The following ATG7 variants were observed in gnomAD, a reference collection of about 807,000 sequenced individuals.
ATG7 encodes the protein ubiquitin-like modifier-activating enzyme ATG7.
In ATG7, 70 loss-of-function variants were observed where a neutral mutation model predicts 82.4. The observed-to-expected ratio is 0.85, with a 90% CI of 0.70 to 1.04. The LOEUF (loss-of-function observed/expected upper bound fraction) is 1.04, where lower values mean the gene tolerates loss of function less well. Among genes scored for constraint, ATG7 ranks in the 50% least tolerant of loss-of-function variants. ATG7 has a pLI of 0.00. For synonymous variants in ATG7, 287 were observed against 313.0 expected, an observed-to-expected ratio of 0.92 and a Z score of 0.88; for missense variants, 792 against 864.3, an observed-to-expected ratio of 0.92 and a Z score of 1.05.
the ATG7 span, chr3:11,564,824 G>T: frequency 6.3e-7 from 1 of 1,585,602 alleles, no homozygotes; most frequent in East Asian, 2.3e-5. Flanking sequence ...GGGTCAGTGT[G>T]GGCGAGAGGC....
chr3:11,489,050 G>C (rs958861426), intron 20 of ATG7, among the ~76,000 whole-genome samples: 2 of 148,658 alleles, frequency 1.3e-5, no homozygotes, highest in African/African-American at 5.2e-5. Flanking sequence ...TTTTTGGTTG[G>C]TAAGCTATTG....
intron 9 of ATG7, among the ~76,000 whole-genome samples, chr3:11,324,375 A>AT (rs1279602034): frequency 6.6e-6 from 1 of 152,218 alleles, no homozygotes; most frequent in Non-Finnish European, 1.5e-5. Flanking sequence ...GCACTTAAAG[A>AT]TTTTGGGGTC....
intron 14 of ATG7, among the ~76,000 whole-genome samples, chr3:11,356,126 A>T (rs958556918): frequency 9.9e-5 from 15 of 152,214 alleles, no homozygotes; most frequent in African/African-American, 3.6e-4. Flanking sequence ...TTATGAAGTC[A>T]GATCAGTTGT....
At chr3:11,509,608 C>CA (rs1438540836) in intron 20 of ATG7, among the ~76,000 whole-genome samples, 2 of 152,144 alleles carry the variant, frequency 1.3e-5, no homozygotes, top group Non-Finnish European at 2.9e-5. Flanking sequence ...TATTTAGTCT[C>CA]AGAGGCACAG....
rs1278972266 is a variant in ATG7, at chr3:11,460,678, G to C, written c.2079+33752G>C. Among the ~76,000 whole-genome samples, 4 of 152,186 alleles carry C rather than the reference G, an allele frequency of 2.6e-5. No homozygotes were observed. In the East Asian group the frequency reaches 7.7e-4, roughly 29 times the overall value. On this transcript the variant is annotated intron_variant, in intron 20 of 20. Transcript: ENST00000693202. ...AGACACACAATAGGAAGATTAATAA[G>C]TCAAAATCCCTGCCCCCTCCCAAAT...
chr3:11,527,067 G>GTATATATATATATATA (rs1157835767), intron 20 of ATG7, among the ~76,000 whole-genome samples: 1 of 95,292 alleles, frequency 1.0e-5, no homozygotes, highest in African/African-American at 4.1e-5. Context: ...GTGTGTGTGT[G>GTATATATATATATATA]TGTGTATATA....
At chr3:11,493,948 A>G (rs1321587563) in intron 20 of ATG7, among the ~76,000 whole-genome samples, 2 of 152,218 alleles carry the variant, frequency 1.3e-5, no homozygotes, top group Non-Finnish European at 2.9e-5. Context: ...AAACTGTGTT[A>G]TAAGAAGCAT....
chr3:11,555,020 T>A lies in ATG7; in HGVS notation c.*177T>A. 1 of 720,268 alleles carries A rather than the reference T, an allele frequency of 1.4e-6. No homozygotes were observed. Among genetic ancestry groups the A allele is most frequent in the Non-Finnish European group, 2.2e-6 (1 of 456,376 alleles). The allele number at this position is 720,268 out of a possible 1,614,324, so 44.6% of individuals were successfully genotyped here. On this transcript the variant is annotated 3_prime_UTR_variant, in exon 21 of 21. Transcript: ENST00000693202. ...GCCAGTGTTCGGCGTTGCTCGGGAT[T>A]CAAGATACCACCAGTTCAGAGCTAA...
rs200360656 is a variant in ATG7 at position 11,439,072 on chromosome 3, T to TC, written c.2079+12146_2079+12147insC. Among the ~76,000 whole-genome samples, 247 of 144,744 alleles carry TC rather than the reference T, an allele frequency of 1.7e-3. 1 individual carries two copies. In the East Asian group the frequency reaches 0.019, roughly 11 times the overall value. The allele number at this position is 144,744 out of a possible 152,430, so 95.0% of individuals were successfully genotyped here. On this transcript the variant is annotated intron_variant, in intron 20 of 20. Coordinates refer to ENST00000693202, the MANE Select transcript of ATG7 (RefSeq NM_001349232.2). The stretch of plus-strand genomic sequence containing the variant: ...TTTCTTTTTCTTTTCTTTCTTTCTT[T>TC]TTTTTTTTTTTTTTGAGACAGAGTC...
chr3:11,387,320 C>T (rs1177929467), intron 19 of ATG7, among the ~76,000 whole-genome samples: 1 of 152,220 alleles, frequency 6.6e-6, no homozygotes, highest in Non-Finnish European at 1.5e-5. Flanking sequence ...CACGGCCTTG[C>T]TTGTTACTTT....
At chr3:11,475,885 ACACACACACACACACACACACACC>A (rs2088123930) in intron 20 of ATG7, among the ~76,000 whole-genome samples, 1 of 149,942 alleles carries the variant, frequency 6.7e-6, no homozygotes, top group South Asian at 2.2e-4. Flanking sequence ...ACACACACAC[ACACACACACACACACACACACACC>A]CCCTCCCAGA....
intron 20 of ATG7, among the ~76,000 whole-genome samples, chr3:11,520,981 A>G (rs1316118707): frequency 6.6e-6 from 1 of 152,144 alleles, no homozygotes. Flanking sequence ...GGGGAGTAGT[A>G]GTTGCTCCAG....
the ATG7 span, among the ~76,000 whole-genome samples, chr3:11,567,097 C>T: frequency 3.7e-4 from 56 of 152,222 alleles, 2 homozygotes; most frequent in Middle Eastern, 0.02. Context: ...AGTGCAGCCT[C>T]GGCTGTGATG....
chr3:11,547,673 T>C (rs753252703), intron 20 of ATG7, among the ~76,000 whole-genome samples: 4 of 152,222 alleles, frequency 2.6e-5, no homozygotes, highest in Admixed American at 6.5e-5. Context: ...CACATCCTTG[T>C]CAACACTTAC....
intron 19 of ATG7, among the ~76,000 whole-genome samples, chr3:11,423,125 C>T (rs2082077415): frequency 6.6e-6 from 1 of 152,018 alleles, no homozygotes; most frequent in Non-Finnish European, 1.5e-5. Context: ...ACTTTGAGGC[C>T]GTTGTAATTG....
At chr3:11,381,088 G>A (rs914514322) in intron 19 of ATG7, among the ~76,000 whole-genome samples, 5 of 152,140 alleles carry the variant, frequency 3.3e-5, no homozygotes, top group Admixed American at 1.3e-4. Flanking sequence ...TTTTGCTTCC[G>A]AAGTAAACTA....
chr3:11,374,906 A>G (rs1217219861), intron 18 of ATG7, among the ~76,000 whole-genome samples: 1 of 150,410 alleles, frequency 6.6e-6, no homozygotes, highest in African/African-American at 2.4e-5. Context: ...AAAAAAAAAA[A>G]AAAAAAAAAA....
chr3:11,364,805 T>A, intron 18 of ATG7, 71 bp downstream of exon 18: 4 of 1,532,454 alleles, frequency 2.6e-6, no homozygotes, highest in Non-Finnish European at 2.7e-6. Context: ...TCTTTGCCAT[T>A]CCATCTGCCC....
downstream of ATG7, chr3:11,559,323 G>C: frequency 6.5e-7 from 1 of 1,531,500 alleles, no homozygotes; most frequent in East Asian, 2.5e-5. Flanking sequence ...GGAGGCCCGG[G>C]ACACTCACCG....
Sources: gnomAD v4.1 joint callset for allele counts (sites outside exome capture counted in the v4.1 genomes callset) on GRCh38, gnomAD v4.1.1 for gene constraint, MANE v1.5 for transcripts, NCBI Gene and HGNC (gene_info 2026-07-23, HGNC 2026-07-21) for gene names.